Variants in DAPP1 observed in about 807,000 individuals in gnomAD.
DAPP1 encodes the protein dual adaptor of phosphotyrosine and 3-phosphoinositides 1.
A neutral mutation model predicts 41.5 loss-of-function variants in DAPP1; 20 were observed. The observed-to-expected ratio is 0.48, with a 90% CI of 0.34 to 0.70. The LOEUF is 0.70. Among genes scored for constraint, DAPP1 ranks in the 30% least tolerant of loss-of-function variants. DAPP1 has a pLI of 0.01. For missense variants in DAPP1, 233 were observed against 333.4 expected (o/e 0.70, Z 2.35); for synonymous variants, 113 against 116.2 (o/e 0.97, Z 0.18).
At chr4:99,831,990 G>T (rs771838252) in intron 1 of DAPP1, among the ~76,000 whole-genome samples, 3 of 149,946 alleles carry the variant, frequency 2.0e-5, no homozygotes, top group Non-Finnish European at 4.4e-5. Context: ...AAAAAAACAG[G>T]TTATATTTCA....
At chr4:99,831,926 C>T (rs963422298) in intron 1 of DAPP1, among the ~76,000 whole-genome samples, 1 of 151,464 alleles carries the variant, frequency 6.6e-6, no homozygotes, top group African/African-American at 2.4e-5. Context: ...TATATTTTAA[C>T]TTTTACTATA....
At chr4:99,848,296 C>T (rs1339527694) in intron 3 of DAPP1, among the ~76,000 whole-genome samples, 6 of 150,206 alleles carry the variant, frequency 4.0e-5, no homozygotes, top group African/African-American at 7.4e-5. Flanking sequence ...GGCACGATCT[C>T]GGCTCACTGC....
chr4:99,817,635 G>A (rs1722634714), intron 1 of DAPP1, among the ~76,000 whole-genome samples: 1 of 152,166 alleles, frequency 6.6e-6, no homozygotes, highest in African/African-American at 2.4e-5. Context: ...AAACAGGTAA[G>A]CATAGGTAGG....
At chr4:99,843,873 C>G (rs1258015524) in intron 3 of DAPP1, among the ~76,000 whole-genome samples, 1 of 152,186 alleles carries the variant, frequency 6.6e-6, no homozygotes, top group Non-Finnish European at 1.5e-5. Flanking sequence ...ATATGTCATG[C>G]TGGATGCCCC....
At chr4:99,826,780 TC>T in intron 1 of DAPP1, among the ~76,000 whole-genome samples, 1 of 152,198 alleles carries the variant, frequency 6.6e-6, no homozygotes, top group Non-Finnish European at 1.5e-5. Context: ...GCCTAATGAA[TC>T]CTATATTCAT....
chr4:99,855,903 G>T (rs1053253965), intron 4 of DAPP1, among the ~76,000 whole-genome samples: 2 of 152,186 alleles, frequency 1.3e-5, no homozygotes, highest in Admixed American at 1.3e-4. Context: ...TGGAGGAAGA[G>T]AATTAAAAGA....
intron 1 of DAPP1, among the ~76,000 whole-genome samples, chr4:99,824,966 T>A (rs1157840461): frequency 6.6e-6 from 1 of 152,168 alleles, no homozygotes; most frequent in African/African-American, 2.4e-5. Flanking sequence ...CTCCCGCAAG[T>A]AGTGGCTCTG....
rs1321857593 is a variant in DAPP1, at chr4:99,869,989, G to A, written c.*1804G>A. On this transcript the variant is annotated 3_prime_UTR_variant, in exon 9 of 9. Coordinates refer to ENST00000512369, the MANE Select transcript of DAPP1 (RefSeq NM_014395.3). ...ACAGAAGTTACAAATGAATACTCAC[G>A]GATATGTATAGTTTTATGTTTGTTT... The A allele has an allele frequency of 2.0e-5, 3 of 151,836 alleles. No individual in the cohort carries two copies. Among genetic ancestry groups the A allele is most frequent in the East Asian group, 1.9e-4 (1 of 5,182 alleles). The allele number at this position is 151,836 out of a possible 1,614,324, so 9.4% of individuals were successfully genotyped here. A position where few individuals can be genotyped will look rare whatever the true frequency, so the allele number is the denominator to read the frequency against.
downstream of DAPP1, chr4:99,870,202 C>T (rs1724601013): frequency 6.6e-6 from 1 of 151,906 alleles, no homozygotes; most frequent in Non-Finnish European, 1.5e-5. Context: ...AAATATACAA[C>T]TGATTAATAT....
chr4:99,860,559 TATC>T (rs1724203305), intron 4 of DAPP1, among the ~76,000 whole-genome samples: 1 of 152,238 alleles, frequency 6.6e-6, no homozygotes, highest in South Asian at 2.1e-4. Flanking sequence ...CTTACTTTTA[TATC>T]ATAAGATTTT....
At chr4:99,838,604 G>T (rs1723382331) in intron 2 of DAPP1, among the ~76,000 whole-genome samples, 1 of 152,114 alleles carries the variant, frequency 6.6e-6, no homozygotes, top group Admixed American at 6.6e-5. Context: ...ATAGGGTTCA[G>T]GCTCCTGAGA....
intron 4 of DAPP1, among the ~76,000 whole-genome samples, chr4:99,856,541 AATGG>A (rs1280356909): frequency 6.6e-6 from 1 of 152,176 alleles, no homozygotes; most frequent in African/African-American, 2.4e-5. Flanking sequence ...CACATAAGGC[AATGG>A]AGTTTTCAAA....
chr4:99,867,316 CA>C (rs1280945638), intron 8 of DAPP1, among the ~76,000 whole-genome samples: 2 of 152,062 alleles, frequency 1.3e-5, no homozygotes, highest in Non-Finnish European at 2.9e-5. Flanking sequence ...CAAAGTAACA[CA>C]AAATCATTAT....
chr4:99,860,987 T>A (rs750074812), intron 4 of DAPP1, among the ~76,000 whole-genome samples: 1 of 152,224 alleles, frequency 6.6e-6, no homozygotes, highest in Non-Finnish European at 1.5e-5. Context: ...TATTTCAGAT[T>A]CATTTTGGGT....
chr4:99,862,126 C>T (rs182527502), intron 5 of DAPP1, among the ~76,000 whole-genome samples: 1 of 152,270 alleles, frequency 6.6e-6, no homozygotes, highest in Admixed American at 6.5e-5. Flanking sequence ...TTTGTTTCAT[C>T]TCAATGTGCC....
At chr4:99,837,480 T>C (rs1318743128) in intron 2 of DAPP1, among the ~76,000 whole-genome samples, 1 of 152,202 alleles carries the variant, frequency 6.6e-6, no homozygotes, top group Non-Finnish European at 1.5e-5. Flanking sequence ...CATGTCACCC[T>C]GTTATATTTT....
intron 4 of DAPP1, 55 bp downstream of exon 4, chr4:99,853,403 T>A (rs1723937789): frequency 6.4e-7 from 1 of 1,554,638 alleles, no homozygotes; most frequent in Admixed American, 2.0e-5. Context: ...ATCAATCAAG[T>A]TCAATAAAAG....
chr4:99,821,241 G>A (rs1284913484), intron 1 of DAPP1, among the ~76,000 whole-genome samples: 1 of 152,198 alleles, frequency 6.6e-6, no homozygotes, highest in African/African-American at 2.4e-5. Context: ...CACGCATAAT[G>A]CCATTTAGGC....
At chr4:99,864,105 C>A in intron 7 of DAPP1, 1 of 276,348 alleles carries the variant, frequency 3.6e-6, no homozygotes. Context: ...ATGCCATTCA[C>A]ATCTTAGACA....
Sources: gnomAD v4.1 joint callset for allele counts (sites outside exome capture counted in the v4.1 genomes callset) on GRCh38, gnomAD v4.1.1 for gene constraint, MANE v1.5 for transcripts, NCBI Gene and HGNC (gene_info 2026-07-23, HGNC 2026-07-21) for gene names.